MRPL37: variants seen among roughly 807,000 people sequenced by gnomAD.
The protein encoded by MRPL37 is mitochondrial ribosomal protein L37.
Under a neutral mutation model 44.1 loss-of-function variants are expected in MRPL37, and 34 were observed. That is an observed-to-expected ratio of 0.77 (90% confidence interval 0.59 to 1.03). MRPL37 has a LOEUF of 1.03. MRPL37 is among the 50% of genes least tolerant of loss of function. The pLI, the probability that MRPL37 is intolerant of heterozygous loss-of-function variation, is 0.00. For missense variants in MRPL37, 532 were observed against 543.7 expected (o/e 0.98, Z 0.21); for synonymous variants, 212 against 219.5 (o/e 0.97, Z 0.30).
intron 3 of MRPL37, 30 bp from the exon 4 acceptor site, chr1:54,209,916 G>A: frequency 3.1e-6 from 5 of 1,611,070 alleles, no homozygotes; most frequent in Non-Finnish European, 4.2e-6. Context: ...TTTAGTACCA[G>A]GTTAGAGTAA....
At chr1:54,211,074 CCTT>C (rs1352997061) in intron 4 of MRPL37, among the ~76,000 whole-genome samples, 11 of 152,278 alleles carry the variant, frequency 7.2e-5, no homozygotes, top group East Asian at 1.9e-4. Context: ...CACTTCCTCT[CCTT>C]CTGCTGAAGC....
Position 54,216,350 on chromosome 1 carries a change from T to C in MRPL37, c.1194+6T>C, listed in dbSNP as rs373206293. 1.9e-5 allele frequency: 30 copies of C among 1,613,380 alleles called. No homozygotes were observed. The highest frequency in any genetic ancestry group is 2.4e-5 in the Non-Finnish European group (28 of 1,179,960). ...TCAAAAAGAGAGTGGTTGTGGTAAGTTGAGCCATCTCCTGCCTGACCCAGG... is the reference window on the plus strand; with the variant it reads ...TCAAAAAGAGAGTGGTTGTGGTAAGCTGAGCCATCTCCTGCCTGACCCAGG... On this transcript the variant is annotated splice_donor_region_variant and intron_variant, in intron 6 of 6. Coordinates refer to ENST00000360840, the MANE Select transcript of MRPL37 (RefSeq NM_016491.4).
At chr1:54,205,531 G>A (rs541682397) in intron 3 of MRPL37, 121 bp downstream of exon 3, 1 of 788,496 alleles carries the variant, frequency 1.3e-6, no homozygotes, top group African/African-American at 1.7e-5. Context: ...ATCATTCGTG[G>A]TCTCGTTTTG....
In MRPL37 at chr1:54,212,439, T is replaced by C. The variant is rs533435407; in HGVS notation, c.833-62T>C. The C allele has an allele frequency of 2.3e-5, 36 of 1,585,326 alleles. No individual in the cohort carries two copies. In the East Asian group the frequency reaches 7.6e-4, roughly 34 times the overall value. Reference sequence around the variant, plus strand: ...CTGGGCTAAGGCGAGGTGACTTTCCTGAGGCTTTGTGGCAGGCTGATGAAT... The same window carrying C: ...CTGGGCTAAGGCGAGGTGACTTTCCCGAGGCTTTGTGGCAGGCTGATGAAT... On this transcript the variant is annotated intron_variant, in intron 4 of 6. Transcript: ENST00000360840.
downstream of MRPL37, among the ~76,000 whole-genome samples, chr1:54,222,357 G>GC (rs1240856865): frequency 6.8e-6 from 1 of 147,952 alleles, no homozygotes; most frequent in African/African-American, 2.6e-5. Flanking sequence ...CAAAGGCCCT[G>GC]GGGGGGCAGA....
In MRPL37 at chr1:54,200,554, G is replaced by C. The variant is rs1644071979; in HGVS notation, c.311G>C (p.Cys104Ser). Residue 104 changes from cysteine to serine, a missense_variant, in exon 1 of 7, where the codon TGC (cysteine) becomes TCC (serine). Cys to Ser is a moderately radical substitution (Grantham distance 112). Coordinates refer to ENST00000360840, the MANE Select transcript of MRPL37 (RefSeq NM_016491.4). Reference protein sequence around the residue: ...HEHPLYKDQACYIFHHRCRLL... With the variant: ...HEHPLYKDQASYIFHHRCRLL... Reference sequence around the variant, plus strand: ...CATCCGCTGTACAAAGACCAGGCCTGCTATATCTTTCACCACCGTTGCCGC... The same window carrying C: ...CATCCGCTGTACAAAGACCAGGCCTCCTATATCTTTCACCACCGTTGCCGC... 3.7e-6 allele frequency: 6 copies of C among 1,605,636 alleles called. No homozygotes were observed. Among genetic ancestry groups the C allele is most frequent in the Non-Finnish European group, 5.1e-6 (6 of 1,173,340 alleles).
chr1:54,225,035 G>A, downstream of MRPL37: 1 of 1,193,562 alleles, frequency 8.4e-7, no homozygotes, highest in Non-Finnish European at 1.0e-6. Flanking sequence ...CCCGAGGGGA[G>A]AAAGCAGGGA....
At chr1:54,212,080 CCTT>C (rs1325090292) in intron 4 of MRPL37, among the ~76,000 whole-genome samples, 2 of 152,206 alleles carry the variant, frequency 1.3e-5, no homozygotes, top group Non-Finnish European at 2.9e-5. Flanking sequence ...TTCAAGTTCT[CCTT>C]CTCCTAACAT....
rs549900805 is a variant in MRPL37, at chr1:54,205,933, C to G, written c.646+523C>G. 7.9e-5 allele frequency among the ~76,000 whole-genome samples: 12 copies of G among 152,252 alleles called. No homozygotes were observed. The East Asian group carries it at 1.2e-3, about 15-fold the overall frequency. On this transcript the variant is annotated intron_variant, in intron 3 of 6. Transcript: ENST00000360840. ...ACCAGCCCTCATGATTTGGTCGCCA[C>G]TTAGTCTTTCTAGTCTTATCTCCTG...
chr1:54,216,083 G>A, intron 5 of MRPL37, 58 bp from the exon 6 acceptor site: 4 of 1,584,898 alleles, frequency 2.5e-6, no homozygotes, highest in Non-Finnish European at 3.5e-6. Flanking sequence ...CCTGGGCCGT[G>A]CTGTTCCTTA....
In MRPL37 at chr1:54,205,415, G is replaced by A; in HGVS notation, c.646+5G>A. On this transcript the variant is annotated splice_donor_5th_base_variant and intron_variant, in intron 3 of 6. Coordinates refer to ENST00000360840, the MANE Select transcript of MRPL37 (RefSeq NM_016491.4). ...TTTCTGCTACCTGGAACCGAGGTTG[G>A]TCATCTTGTACACCAGAAAGCCTTG... 1 of 1,609,910 alleles carries A rather than the reference G, an allele frequency of 6.2e-7. No individual in the cohort carries two copies. Among genetic ancestry groups the A allele is most frequent in the Non-Finnish European group, 8.5e-7 (1 of 1,176,514 alleles).
chr1:54,223,562 C>CT (rs1251347093), downstream of MRPL37, among the ~76,000 whole-genome samples: 3 of 152,204 alleles, frequency 2.0e-5, no homozygotes, highest in Non-Finnish European at 4.4e-5. Context: ...CCTTAAGTTT[C>CT]TTTCCTGGCT....
chr1:54,217,879 C>T (rs141886071), intron 6 of MRPL37, among the ~76,000 whole-genome samples: 1 of 152,066 alleles, frequency 6.6e-6, no homozygotes, highest in Non-Finnish European at 1.5e-5. Flanking sequence ...GATGATTGTC[C>T]CTGGGATTAG....
chr1:54,216,495 GTCCCGCCCC>G, intron 6 of MRPL37, 151 bp downstream of exon 6: 2 of 890,606 alleles, frequency 2.2e-6, no homozygotes, highest in Non-Finnish European at 3.4e-6. Context: ...GACTCCTTCA[GTCCCGCCCC>G]TACCTAAGGC....
downstream of MRPL37, among the ~76,000 whole-genome samples, chr1:54,221,516 G>T (rs192435732): frequency 3.3e-4 from 50 of 152,286 alleles, no homozygotes; most frequent in Non-Finnish European, 6.5e-4. Flanking sequence ...TGCATCCAGG[G>T]GGGCGTGCTG....
At chr1:54,216,011 T>C in intron 5 of MRPL37, 130 bp from the exon 6 acceptor site, 2 of 943,096 alleles carry the variant, frequency 2.1e-6, no homozygotes, top group Non-Finnish European at 1.6e-6. Context: ...ATTTTAATTG[T>C]CCCAAAGAGA....
At chr1:54,220,764 C>G, downstream of MRPL37, 1 of 471,428 alleles carries the variant, frequency 2.1e-6, no homozygotes. Flanking sequence ...GGTGAAGGAG[C>G]AGGAGCACGC....
chr1:54,208,405 C>T lies in MRPL37; in HGVS notation c.647-1541C>T, dbSNP rs181099128. The stretch of plus-strand genomic sequence containing the variant: ...AAAATACAAAAACAAAAAAATTAGC[C>T]GGGCATGGTGATGGGCACCCATAGT... On this transcript the variant is annotated intron_variant, in intron 3 of 6. Coordinates refer to ENST00000360840, the MANE Select transcript of MRPL37 (RefSeq NM_016491.4). Among the ~76,000 whole-genome samples the T allele has an allele frequency of 3.0e-3, 458 of 152,090 alleles. 3 individuals are homozygous for T. The highest frequency in any genetic ancestry group is 0.011 in the African/African-American group (437 of 41,466).
downstream of MRPL37, chr1:54,218,528 TTTC>T (rs1317070859): frequency 1.8e-5 from 13 of 704,804 alleles, no homozygotes; most frequent in Non-Finnish European, 2.5e-5. Context: ...TCTCTTTCCA[TTTC>T]TTCATCTGAA....
Sources: allele counts gnomAD v4.1 joint callset (sites outside exome capture counted in the v4.1 genomes callset), GRCh38; gene constraint gnomAD v4.1.1; transcripts MANE v1.5; gene names NCBI Gene and HGNC (gene_info 2026-07-23, HGNC 2026-07-21).